AGAP3: variants seen among roughly 807,000 people sequenced by gnomAD.
AGAP3 encodes arf-GAP with GTPase, ANK repeat and PH domain-containing protein 3.
AGAP3 carries 24 observed loss-of-function variants against 96.9 expected under a neutral mutation model. That is an observed-to-expected ratio of 0.25 (90% confidence interval 0.18 to 0.35). The LOEUF (loss-of-function observed/expected upper bound fraction) is 0.35. Ranked by LOEUF, AGAP3 falls within the 10% of genes least tolerant of loss-of-function variation. AGAP3 has a pLI of 1.00. For missense variants in AGAP3, 876 were observed against 1,254.2 expected, an observed-to-expected ratio of 0.70 and a Z score of 4.55; for synonymous variants, 563 against 536.1, an observed-to-expected ratio of 1.05 and a Z score of -0.69.
intron 9 of AGAP3, among the ~76,000 whole-genome samples, chr7:151,124,097 G>T (rs924367722): frequency 3.9e-5 from 6 of 152,182 alleles, no homozygotes; most frequent in African/African-American, 1.4e-4. Context: ...AGCTCTGCCT[G>T]TACCTTCTGA....
chr7:151,127,712 A>G (rs1293929967), intron 9 of AGAP3, among the ~76,000 whole-genome samples: 1 of 152,138 alleles, frequency 6.6e-6, no homozygotes. Flanking sequence ...AGCCAGTGAG[A>G]GCATCTTTAG....
At position 151,108,011 on chromosome 7, in the gene AGAP3, G is replaced by A. The variant is rs544311308; in HGVS notation, c.332-8782G>A. Among the ~76,000 whole-genome samples the A allele has an allele frequency of 3.9e-5, 6 of 152,190 alleles. No homozygotes were observed. The highest frequency in any genetic ancestry group is 7.2e-5 in the African/African-American group (3 of 41,436). On this transcript the variant is annotated intron_variant, in intron 1 of 17. Transcript: ENST00000397238. The surrounding 1 kb of genome is among the most constrained non-coding windows in gnomAD (Gnocchi z 4.2). ...CCTCTGGCACGGCACCGGCCCATGC[G>A]GGGGGTGCAGCACATGCTGGTCGCG...
At position 151,128,520 on chromosome 7, in the gene AGAP3, C is replaced by T. The variant is rs772586171; in HGVS notation, c.1222-60C>T. 4 of 1,453,128 alleles carry T rather than the reference C, an allele frequency of 2.8e-6. No individual in the cohort carries two copies. In the African/African-American group the frequency reaches 4.2e-5, roughly 15 times the overall value. 90.0% of individuals were successfully genotyped at this position (1,453,128 alleles called of 1,614,324 possible). A position where few individuals can be genotyped will look rare whatever the true frequency, so the allele number is the denominator to read the frequency against. On this transcript the variant is annotated intron_variant, in intron 9 of 17. Coordinates refer to ENST00000397238, the MANE Select transcript of AGAP3 (RefSeq NM_031946.7). ...GCATTGCCTGACGACATCGTGACCT[C>T]CTCATGCCCTATGACCTAGGGGGCT...
intron 3 of AGAP3, 55 bp downstream of exon 3, chr7:151,117,237 G>A: frequency 6.3e-7 from 1 of 1,594,360 alleles, no homozygotes; most frequent in Non-Finnish European, 8.6e-7. Context: ...TCCAGCTCCT[G>A]CCCACAGGGT....
chr7:151,118,736 TCCTC>T lies in AGAP3; in HGVS notation c.969+105_969+108del. 1 of 1,407,330 alleles carries T rather than the reference TCCTC, an allele frequency of 7.1e-7. No homozygotes were observed. Among genetic ancestry groups the T allele is most frequent in the South Asian group, 1.2e-5 (1 of 80,494 alleles). The allele number at this position is 1,407,330 out of a possible 1,614,324, so 87.2% of individuals were successfully genotyped here. ...GCCTCCTGCTCACACCTGTCCACCT[TCCTC>T]TGGCCTCCCAGCCTTGCATGTTGCT... On this transcript the variant is annotated intron_variant, in intron 7 of 17. Transcript: ENST00000397238. The surrounding 1 kb of genome is among the most constrained non-coding windows in gnomAD (Gnocchi z 6.1).
chr7:151,137,830 A>T, intron 11 of AGAP3: 1 of 408,008 alleles, frequency 2.5e-6, no homozygotes, highest in Non-Finnish European at 4.4e-6. Flanking sequence ...CACTGCGGCG[A>T]TGGGTGTCAG....
rs774501943 is a variant in AGAP3 at position 151,141,797 on chromosome 7, C to T, written c.1805-101C>T. 12 of 1,506,576 alleles carry T rather than the reference C, an allele frequency of 8.0e-6. No individual in the cohort carries two copies. The African/African-American group carries it at 8.3e-5, about 10-fold the overall frequency. 93.3% of individuals were successfully genotyped at this position (1,506,576 alleles called of 1,614,324 possible). A position where few individuals can be genotyped will look rare whatever the true frequency, so the allele number is the denominator to read the frequency against. ...CTGGGGAAGGGTCTAGGGGAGGACACTTGCCAGTGGAGCAGGGTAGTGAGT... is the reference window on the plus strand; with the variant it reads ...CTGGGGAAGGGTCTAGGGGAGGACATTTGCCAGTGGAGCAGGGTAGTGAGT... On this transcript the variant is annotated intron_variant, in intron 13 of 17. Coordinates refer to ENST00000397238, the MANE Select transcript of AGAP3 (RefSeq NM_031946.7). This position sits in a 1 kb window ranked among gnomAD's most constrained non-coding sequence, Gnocchi z 4.2.
rs76325657 is a variant in AGAP3, at chr7:151,104,562, G to A, written c.332-12231G>A. Among the ~76,000 whole-genome samples, 114 of 152,312 alleles carry A rather than the reference G, an allele frequency of 7.5e-4. 2 individuals carry two copies. The East Asian group carries it at 0.016, about 21-fold the overall frequency. On this transcript the variant is annotated intron_variant, in intron 1 of 17. Coordinates refer to ENST00000397238, the MANE Select transcript of AGAP3 (RefSeq NM_031946.7). ...GTGTTGCTGATGAACATGAAAAGGC[G>A]CAACCTCACTAGTAATCAGGGGCGT...
chr7:151,125,807 C>T (rs947828033), intron 9 of AGAP3, among the ~76,000 whole-genome samples: 1 of 152,370 alleles, frequency 6.6e-6, no homozygotes, highest in South Asian at 2.1e-4. Context: ...CCCAATCAAT[C>T]CGGACTCCGC....
intron 1 of AGAP3, among the ~76,000 whole-genome samples, chr7:151,092,129 C>T (rs978883314): frequency 1.1e-4 from 16 of 152,166 alleles, no homozygotes; most frequent in South Asian, 6.2e-4. Context: ...GAAAGATGGG[C>T]GTCACAAGCG....
In AGAP3 at chr7:151,142,940, T is replaced by G. The variant is rs1800877247; in HGVS notation, c.2273+306T>G. ...GGAGCTCTGAGATGGGGAGAATGGG[T>G]GAGAGATAGGGGAGTGTGTGGCCCC... On this transcript the variant is annotated intron_variant, in intron 16 of 17. Coordinates refer to ENST00000397238, the MANE Select transcript of AGAP3 (RefSeq NM_031946.7). The surrounding 1 kb of genome is among the most constrained non-coding windows in gnomAD (Gnocchi z 7.5). Among the ~76,000 whole-genome samples, 2 of 152,002 alleles carry G rather than the reference T, an allele frequency of 1.3e-5. No individual in the cohort carries two copies. The highest frequency in any genetic ancestry group is 2.9e-5 in the Non-Finnish European group (2 of 67,970).
chr7:151,128,541 G>T (rs1800273910), intron 9 of AGAP3, 39 bp from the exon 10 acceptor site: 1 of 1,582,154 alleles, frequency 6.3e-7, no homozygotes, highest in Non-Finnish European at 8.7e-7. Flanking sequence ...ATGACCTAGG[G>T]GGCTGGCTCC....
chr7:151,135,299 G>A (rs1367866805), intron 11 of AGAP3, among the ~76,000 whole-genome samples: 2 of 152,186 alleles, frequency 1.3e-5, no homozygotes, highest in Admixed American at 6.5e-5. Context: ...TGGATCTCAT[G>A]TTCCCTGGGC....
rs773002690 is a variant in AGAP3, at chr7:151,143,631, CTCT to C, written c.2529+40_2529+42del. On this transcript the variant is annotated intron_variant, in intron 17 of 17. Coordinates refer to ENST00000397238, the MANE Select transcript of AGAP3 (RefSeq NM_031946.7). The surrounding 1 kb of genome is among the most constrained non-coding windows in gnomAD (Gnocchi z 5.9). ...GTGCCTCTAGCCTGCCCTGACCTCG[CTCT>C]TCTTAGCCTTGTTCTTTGAAAGCAA... The C allele has an allele frequency of 1.9e-6, 3 of 1,596,904 alleles. No homozygotes were observed. Among genetic ancestry groups the C allele is most frequent in the Non-Finnish European group, 2.6e-6 (3 of 1,169,360 alleles).
intron 11 of AGAP3, among the ~76,000 whole-genome samples, chr7:151,135,034 A>G (rs1800540176): frequency 6.6e-6 from 1 of 152,130 alleles, no homozygotes; most frequent in African/African-American, 2.4e-5. Context: ...GAATTTAGAC[A>G]GGATCTGGAG....
chr7:151,090,908 C>T (rs1798370803), intron 1 of AGAP3, among the ~76,000 whole-genome samples: 2 of 152,108 alleles, frequency 1.3e-5, no homozygotes, highest in African/African-American at 4.8e-5. Flanking sequence ...CGCACCACTG[C>T]ACTCCAGCCT....
chr7:151,129,170 TGTG>T (rs1389125452), intron 10 of AGAP3, among the ~76,000 whole-genome samples: 2 of 152,006 alleles, frequency 1.3e-5, no homozygotes, highest in Admixed American at 6.5e-5. Flanking sequence ...TGGGGGGTGT[TGTG>T]GTGACTGGAG....
At chr7:151,085,995 T>C (rs1798129060), upstream of AGAP3, 2 of 152,396 alleles carry the variant, frequency 1.3e-5, no homozygotes, top group Admixed American at 1.3e-4. Flanking sequence ...TATGCCGCAC[T>C]GAAGGCGGGA....
chr7:151,115,111 C>T (rs1799490755), intron 1 of AGAP3: 12 of 1,033,716 alleles, frequency 1.2e-5, no homozygotes, highest in Non-Finnish European at 1.4e-5. Context: ...CGCAGCCGCA[C>T]CCGCGGGGAG....
Sources: allele counts gnomAD v4.1 joint callset (sites outside exome capture counted in the v4.1 genomes callset), GRCh38; gene constraint gnomAD v4.1.1; non-coding constraint Gnocchi (gnomAD v3.1); transcripts MANE v1.5; gene names NCBI Gene and HGNC (gene_info 2026-07-23, HGNC 2026-07-21).